IRF1: variants seen among roughly 807,000 people sequenced by gnomAD.
IRF1 encodes the protein interferon regulatory factor-1.
IRF1 carries 13 observed loss-of-function variants against 43.7 expected under a neutral mutation model. The ratio of observed to expected loss-of-function variants is 0.30; its 90% confidence interval spans 0.19 to 0.47. IRF1 has a LOEUF of 0.47. Ranked by LOEUF, IRF1 falls within the 20% of genes least tolerant of loss-of-function variation. The pLI is 0.99. For missense variants in IRF1, 236 were observed against 408.9 expected (o/e 0.58, Z 3.65); for synonymous variants, 138 against 146.8 (o/e 0.94, Z 0.43).
Position 132,482,663 on chromosome 5 carries a change from G to GTTTTTTTTTTT in IRF1, c.*1277_*1287dup, listed in dbSNP as rs55959557. The stretch of plus-strand genomic sequence containing the variant: ...GCCACCATGCCCGGCCAAATGAAAG[G>GTTTTTTTTTTT]TTTTTTTTTTTTTTTTTTTTTTTGG... On this transcript the variant is annotated 3_prime_UTR_variant, in exon 10 of 10. Transcript: ENST00000245414. 1.5e-5 allele frequency: 1 copy of GTTTTTTTTTTT among 65,926 alleles called. No individual in the cohort carries two copies. Among genetic ancestry groups the GTTTTTTTTTTT allele is most frequent in the Non-Finnish European group, 3.1e-5 (1 of 32,556 alleles). The allele number at this position is 65,926 out of a possible 1,614,324, so 4.1% of individuals were successfully genotyped here. A position where few individuals can be genotyped will look rare whatever the true frequency, so the allele number is the denominator to read the frequency against.
rs1388386744 is a variant in IRF1 at position 132,481,718 on chromosome 5, G to A, written c.*2233C>T. 2 of 152,270 alleles carry A rather than the reference G, an allele frequency of 1.3e-5. No homozygotes were observed. The highest frequency in any genetic ancestry group is 2.9e-5 in the Non-Finnish European group (2 of 68,054). The allele number at this position is 152,270 out of a possible 1,614,324, so 9.4% of individuals were successfully genotyped here. A position where few individuals can be genotyped will look rare whatever the true frequency, so the allele number is the denominator to read the frequency against. The stretch of plus-strand genomic sequence containing the variant: ...CATGTGGCTAGTGCCAGTGCCTACT[G>A]TATTGAACGGTACAGACAGAGCATT... On this transcript the variant is annotated 3_prime_UTR_variant, in exon 10 of 10. Transcript: ENST00000245414.
rs1213952418 is a variant in IRF1, at chr5:132,482,025, T to C, written c.*1926A>G. On this transcript the variant is annotated 3_prime_UTR_variant, in exon 10 of 10. Transcript: ENST00000245414. ...CTATGACAGGAATGTCCCCTCCTTC[T>C]GCCATTGTCTATGTGAACATAAACA... 1 of 152,212 alleles carries C rather than the reference T, an allele frequency of 6.6e-6. No homozygotes were observed. Among genetic ancestry groups the C allele is most frequent in the East Asian group, 1.9e-4 (1 of 5,254 alleles). The allele number at this position is 152,212 out of a possible 1,614,324, so 9.4% of individuals were successfully genotyped here. A position where few individuals can be genotyped will look rare whatever the true frequency, so the allele number is the denominator to read the frequency against.
chr5:132,487,773 A>T (rs1754575256), intron 3 of IRF1, 153 bp downstream of exon 3: 1 of 607,816 alleles, frequency 1.6e-6, no homozygotes, highest in Admixed American at 2.8e-5. Flanking sequence ...TCTCTTCTCC[A>T]GAAACACAAG....
intron 2 of IRF1, chr5:132,488,359 G>C: frequency 3.8e-6 from 1 of 260,378 alleles, no homozygotes; most frequent in South Asian, 4.4e-5. Flanking sequence ...TCTCTGGCTT[G>C]TAAGCACCCA....
chr5:132,484,341 A>G (rs1333016805), intron 9 of IRF1, 21 bp downstream of exon 9: 2 of 1,613,004 alleles, frequency 1.2e-6, no homozygotes, highest in South Asian at 2.2e-5. Flanking sequence ...AAGAAGCCAT[A>G]AGGATCCAGG....
intron 3 of IRF1, 32 bp downstream of exon 3, chr5:132,487,894 G>T (rs764376275): frequency 3.3e-6 from 5 of 1,520,426 alleles, no homozygotes; most frequent in Admixed American, 1.7e-5. Flanking sequence ...TCTCTACCCT[G>T]GGCTTCCTAG....
chr5:132,487,128 G>T lies in IRF1; in HGVS notation c.190C>A (p.Arg64=). The change falls in exon 4 of 10, where the codon CGA becomes AGA. Residue 64 remains arginine (R), a splice_region_variant and synonymous_variant. Coordinates refer to ENST00000245414, the MANE Select transcript of IRF1 (RefSeq NM_002198.3). ...LFRSWAIHTG[R]YKAGEKEPDP... ...GGCTCCTTTTCCCCTGCTTTGTATC[G>T]GCCTAGAGGGCAGGAGAAAAAAGAG... is the stretch of plus-strand genomic sequence containing the variant. 1 of 1,613,304 alleles carries T rather than the reference G, an allele frequency of 6.2e-7. No individual in the cohort carries two copies. The highest frequency in any genetic ancestry group is 8.5e-7 in the Non-Finnish European group (1 of 1,179,430).
intron 7 of IRF1, 114 bp downstream of exon 7, chr5:132,486,137 C>A (rs574894363): frequency 2.1e-6 from 3 of 1,431,720 alleles, no homozygotes; most frequent in Admixed American, 3.5e-5. Context: ...CTGGGCAATG[C>A]CCAACTCAAT....
rs1175511802 is a variant in IRF1 at position 132,487,941 on chromosome 5, A to G, written c.172T>C (p.Trp58Arg). ...AGGCACACACCTGTGTGAATGGCCC[A>G]GCTCCGGAACAAACAGGCATCCTTG... ...INKDACLFRS[W>R]AIHTGRYKAG... Residue 58 changes from tryptophan to arginine, a missense_variant, in exon 3 of 10, where the codon TGG (tryptophan) becomes CGG (arginine). Physicochemically the swap from Trp to Arg is moderately radical, Grantham distance 101 (BLOSUM62 -3). Around this residue, in one of 2 missense-constraint regions of IRF1, gnomAD observed 66 missense variants for 157.1 expected, o/e 0.42. Transcript: ENST00000245414. 6.2e-7 allele frequency: 1 copy of G among 1,613,404 alleles called. No individual in the cohort carries two copies.
At chr5:132,485,422 G>T in intron 8 of IRF1, 1 of 550,914 alleles carries the variant, frequency 1.8e-6, no homozygotes, top group Non-Finnish European at 3.3e-6. Flanking sequence ...CTGACTCACA[G>T]AGCTGTCTGA....
In IRF1 at chr5:132,484,685, G is replaced by C. The variant is rs980492922; in HGVS notation, c.718-188C>G. On this transcript the variant is annotated intron_variant, in intron 8 of 9. Coordinates refer to ENST00000245414, the MANE Select transcript of IRF1 (RefSeq NM_002198.3). ...CGGGAGGGAGGAGGCAGAAATGCAT[G>C]TTGGCACTGGTCCTCAATTCATTTT... 3 of 626,904 alleles carry C rather than the reference G, an allele frequency of 4.8e-6. 1 individual carries two copies. The Admixed American group carries it at 8.9e-5, about 19-fold the overall frequency. 38.8% of individuals were successfully genotyped at this position (626,904 alleles called of 1,614,324 possible). A position where few individuals can be genotyped will look rare whatever the true frequency, so the allele number is the denominator to read the frequency against.
In IRF1 at chr5:132,489,410, C is replaced by A; in HGVS notation, c.69G>T (p.Gly23=). The A allele has an allele frequency of 6.2e-7, 1 of 1,613,656 alleles. No homozygotes were observed. Among genetic ancestry groups the A allele is most frequent in the Non-Finnish European group, 8.5e-7 (1 of 1,179,564 alleles). Residue 23 remains glycine (G), a synonymous_variant, in exon 2 of 10, where the codon GGG becomes GGT. Transcript: ENST00000245414. ...CACTCACTTTATTAATCCAGATGAGCCCCGGGATTTGGTTGGAATTAATCT... is the reference window on the plus strand; with the variant it reads ...CACTCACTTTATTAATCCAGATGAGACCCGGGATTTGGTTGGAATTAATCT... ...EMQINSNQIP[G]LIWINKEEMI...
intron 6 of IRF1, 26 bp from the exon 7 acceptor site, chr5:132,486,399 C>G (rs1050420170): frequency 1.9e-5 from 30 of 1,610,176 alleles, no homozygotes; most frequent in Non-Finnish European, 2.2e-5. Flanking sequence ...AGCCACAGGT[C>G]AAGGTTGTGT....
At chr5:132,484,140 C>A (rs1299465622) in intron 9 of IRF1, 65 bp from the exon 10 acceptor site, 2 of 1,585,970 alleles carry the variant, frequency 1.3e-6, no homozygotes, top group Non-Finnish European at 8.6e-7. Context: ...CTTCCCCCTA[C>A]CCCTGAAGGC....
In IRF1 at chr5:132,486,642, G is replaced by A. The variant is rs1188517920; in HGVS notation, c.459C>T (p.Ser153=). Residue 153 remains serine (S), a synonymous_variant, in exon 6 of 10, where the codon AGC becomes AGT. Transcript: ENST00000245414. ...SSPDTFSDGL[S]SSTLPDDHSS... ...TGTGGTCATCAGGCAGAGTGGAGCT[G>A]CTGAGTCCATCAGAGAAGGTATCAG... 1 of 1,614,196 alleles carries A rather than the reference G, an allele frequency of 6.2e-7. No individual in the cohort carries two copies. Among genetic ancestry groups the A allele is most frequent in the Non-Finnish European group, 8.5e-7 (1 of 1,180,014 alleles).
At chr5:132,489,920 C>G (rs1231333390) in intron 1 of IRF1, 1 of 179,556 alleles carries the variant, frequency 5.6e-6, no homozygotes, top group Non-Finnish European at 1.2e-5. Context: ...TCACCCTGAA[C>G]AGCCCCCTCC....
At chr5:132,484,823 T>G (rs1754476564) in intron 8 of IRF1, 2 of 228,386 alleles carry the variant, frequency 8.8e-6, no homozygotes, top group Non-Finnish European at 1.7e-5. Context: ...GCATAATAAA[T>G]CAAGAAAAGA....
rs1298294316 is a variant in IRF1 at position 132,481,806 on chromosome 5, G to A, written c.*2145C>T. On this transcript the variant is annotated 3_prime_UTR_variant, in exon 10 of 10. Coordinates refer to ENST00000245414, the MANE Select transcript of IRF1 (RefSeq NM_002198.3). The stretch of plus-strand genomic sequence containing the variant: ...CACAGCAGCCGTGAGGACCTTTCTT[G>A]GGCTGCTGACTGTTCTGTCTGTGAC... The A allele has an allele frequency of 6.6e-6, 1 of 152,332 alleles. No homozygotes were observed. Among genetic ancestry groups the A allele is most frequent in the Non-Finnish European group, 1.5e-5 (1 of 68,058 alleles). The allele number at this position is 152,332 out of a possible 1,614,324, so 9.4% of individuals were successfully genotyped here.
chr5:132,487,723 T>C lies in IRF1; in HGVS notation c.187+203A>G, dbSNP rs569285583. 9 of 580,080 alleles carry C rather than the reference T, an allele frequency of 1.6e-5. No homozygotes were observed. The East Asian group carries it at 2.6e-4, about 17-fold the overall frequency. 35.9% of individuals were successfully genotyped at this position (580,080 alleles called of 1,614,324 possible). On this transcript the variant is annotated intron_variant, in intron 3 of 9. Transcript: ENST00000245414. ...CCCTGAAGCCACACACTTTCTAAGA[T>C]CTTGGCTTTTCCCTTTGAGAATTTG...
Sources: allele counts gnomAD v4.1 joint callset, GRCh38; gene constraint gnomAD v4.1.1; regional missense constraint gnomAD v4.1.1; transcripts MANE v1.5; gene names NCBI Gene and HGNC (gene_info 2026-07-23, HGNC 2026-07-21).